The following KDSR variants were observed in gnomAD, a reference collection of about 807,000 sequenced individuals.
KDSR encodes the protein 3-dehydrosphinganine reductase.
A neutral mutation model predicts 41.3 loss-of-function variants in KDSR; 23 were observed. The ratio of observed to expected loss-of-function variants is 0.56; its 90% confidence interval spans 0.40 to 0.79. The LOEUF is 0.79. Among genes scored for constraint, KDSR ranks in the 30% least tolerant of loss-of-function variants. The pLI, the probability that KDSR is intolerant of heterozygous loss-of-function variation, is 0.00. For synonymous variants in KDSR, 138 were observed against 151.7 expected (o/e 0.91, Z 0.66); for missense variants, 351 against 416.8 (o/e 0.84, Z 1.37).
chr18:63,336,681 G>A (rs929874066), intron 8 of KDSR, among the ~76,000 whole-genome samples: 3 of 152,080 alleles, frequency 2.0e-5, no homozygotes, highest in East Asian at 1.9e-4. Flanking sequence ...AGTACAAGAC[G>A]GACCAATGGA....
chr18:63,342,968 G>A (rs1031607875), intron 7 of KDSR, among the ~76,000 whole-genome samples: 1 of 152,122 alleles, frequency 6.6e-6, no homozygotes, highest in African/African-American at 2.4e-5. Flanking sequence ...TTGTTTAAAA[G>A]TGTGTGGCAC....
chr18:63,341,740 G>C (rs1191461467), intron 7 of KDSR, among the ~76,000 whole-genome samples: 2 of 152,108 alleles, frequency 1.3e-5, no homozygotes, highest in Admixed American at 6.5e-5. Flanking sequence ...TGGAAAAACA[G>C]GTTCTATACA....
Position 63,334,806 on chromosome 18 carries a change from C to T in KDSR, c.879+451G>A, listed in dbSNP as rs149617327. On this transcript the variant is annotated intron_variant, in intron 9 of 9. Transcript: ENST00000645214. ...AAAATAATACATTCTATAAGCGAAG[C>T]AACTGTTTAATCCATGATTCGTGTC... Among the ~76,000 whole-genome samples, 24 of 152,320 alleles carry T rather than the reference C, an allele frequency of 1.6e-4. No homozygotes were observed. In the East Asian group the frequency reaches 3.7e-3, roughly 23 times the overall value.
At chr18:63,352,937 T>TA (rs1169250241) in intron 5 of KDSR, among the ~76,000 whole-genome samples, 1 of 149,354 alleles carries the variant, frequency 6.7e-6, no homozygotes, top group Non-Finnish European at 1.5e-5. Flanking sequence ...GAGGCCAAGG[T>TA]AGGTGGATTA....
intron 3 of KDSR, among the ~76,000 whole-genome samples, chr18:63,356,915 G>A (rs1039681466): frequency 6.6e-6 from 1 of 152,142 alleles, no homozygotes; most frequent in African/African-American, 2.4e-5. Flanking sequence ...ATGTGCAGAA[G>A]ATATACACAA....
Position 63,329,433 on chromosome 18 carries a change from A to G in KDSR, c.*2349T>C. 4.8e-6 allele frequency: 1 copy of G among 208,498 alleles called. No individual in the cohort carries two copies. Among genetic ancestry groups the G allele is most frequent in the Non-Finnish European group, 9.8e-6 (1 of 102,320 alleles). The allele number at this position is 208,498 out of a possible 1,614,324, so 12.9% of individuals were successfully genotyped here. ...TCAGTTCAAGTCAGATTTTGCTGCC[A>G]AATGAATTACGGTATCAAATTTAGA... On this transcript the variant is annotated 3_prime_UTR_variant, in exon 10 of 10. Coordinates refer to ENST00000645214, the MANE Select transcript of KDSR (RefSeq NM_002035.4).
chr18:63,361,226 AAAAAAAAAAAAG>A (rs1237435675), intron 2 of KDSR, among the ~76,000 whole-genome samples: 55 of 136,888 alleles, frequency 4.0e-4, no homozygotes, highest in Middle Eastern at 3.6e-3. Context: ...AAAAAAAAAA[AAAAAAAAAAAAG>A]AATGAATTAC....
rs1338215417 is a variant in KDSR at position 63,331,136 on chromosome 18, A to G, written c.*646T>C. The G allele has an allele frequency of 1.3e-5, 3 of 232,834 alleles. No individual in the cohort carries two copies. Among genetic ancestry groups the G allele is most frequent in the Non-Finnish European group, 2.5e-5 (3 of 117,898 alleles). 14.4% of individuals were successfully genotyped at this position (232,834 alleles called of 1,614,324 possible). A position where few individuals can be genotyped will look rare whatever the true frequency, so the allele number is the denominator to read the frequency against. On this transcript the variant is annotated 3_prime_UTR_variant, in exon 10 of 10. Coordinates refer to ENST00000645214, the MANE Select transcript of KDSR (RefSeq NM_002035.4). The stretch of plus-strand genomic sequence containing the variant: ...TCCCCCTCGTAGCTTTATGGGATCA[A>G]AGAGAGAGAGAAGCCATGAGTTTCC...
intron 5 of KDSR, among the ~76,000 whole-genome samples, chr18:63,353,696 T>G (rs1245419347): frequency 6.6e-6 from 1 of 152,136 alleles, no homozygotes; most frequent in East Asian, 1.9e-4. Context: ...TGGATGAGCC[T>G]CAAAAACTGA....
chr18:63,357,571 C>CATACAT (rs1290612849), intron 3 of KDSR, among the ~76,000 whole-genome samples: 31 of 128,596 alleles, frequency 2.4e-4, no homozygotes, highest in African/African-American at 7.5e-4. Flanking sequence ...TACATACATA[C>CATACAT]ATATATATAT....
rs1393492936 is a variant in KDSR, at chr18:63,358,845, A to G, written c.255+891T>C. ...AAAAAAAAAAAAAGAACTAAACAAT[A>G]TATTATTATTTAGAGTTATGTGCAT... is the stretch of plus-strand genomic sequence containing the variant. On this transcript the variant is annotated intron_variant, in intron 3 of 9. Coordinates refer to ENST00000645214, the MANE Select transcript of KDSR (RefSeq NM_002035.4). 4.7e-5 allele frequency among the ~76,000 whole-genome samples: 7 copies of G among 148,086 alleles called. No homozygotes were observed. The East Asian group carries it at 1.2e-3, about 25-fold the overall frequency.
intron 8 of KDSR, among the ~76,000 whole-genome samples, chr18:63,337,122 A>C (rs200112568): frequency 0.46 from 63,127 of 137,034 alleles, 18,046 homozygotes; most frequent in Admixed American, 0.59. Context: ...GAATATATAT[A>C]TATATATATA....
At position 63,367,157 on chromosome 18, in the gene KDSR, G is replaced by T. The variant is rs769313642; in HGVS notation, c.-39C>A. Reference sequence around the variant, plus strand: ...CAGGGGCCCGGAGCGGCCGGGCGGGGGCCGCCGGGCAAGGCGCGCAGGGCT... The same window carrying T: ...CAGGGGCCCGGAGCGGCCGGGCGGGTGCCGCCGGGCAAGGCGCGCAGGGCT... On this transcript the variant is annotated 5_prime_UTR_variant, in exon 1 of 10. Coordinates refer to ENST00000645214, the MANE Select transcript of KDSR (RefSeq NM_002035.4). 2 of 1,131,158 alleles carry T rather than the reference G, an allele frequency of 1.8e-6. No homozygotes were observed. Among genetic ancestry groups the T allele is most frequent in the South Asian group, 8.7e-5 (2 of 23,076 alleles). 70.1% of individuals were successfully genotyped at this position (1,131,158 alleles called of 1,614,324 possible).
At chr18:63,333,567 C>G (rs1568274781) in intron 9 of KDSR, among the ~76,000 whole-genome samples, 1 of 152,168 alleles carries the variant, frequency 6.6e-6, no homozygotes. Context: ...GTGCTCCTCC[C>G]TCAGGAGCAG....
chr18:63,344,424 C>T lies in KDSR; in HGVS notation c.679G>A (p.Glu227Lys). Residue 227 changes from glutamate to lysine, a missense_variant, in exon 7 of 10, where the codon GAA (glutamate) becomes AAA (lysine). By Grantham distance (56) the Glu-to-Lys change is moderately conservative. Transcript: ENST00000645214. ...AGGATACTGACCTTTGTTCTGTTTT[C>T]TTCGGCAAAGCCAGGTGTGTCTGTG... is the stretch of plus-strand genomic sequence containing the variant. ...PDTDTPGFAE[E>K]NRTKPLETRL... 6.2e-7 allele frequency: 1 copy of T among 1,613,446 alleles called. No homozygotes were observed. The highest frequency in any genetic ancestry group is 8.5e-7 in the Non-Finnish European group (1 of 1,179,402).
chr18:63,353,181 C>CA lies in KDSR; in HGVS notation c.417+2022dup, dbSNP rs759128571. On this transcript the variant is annotated intron_variant, in intron 5 of 9. Transcript: ENST00000645214. ...GGGTGACAGAGTAAGACTCCGTCTC[C>CA]AAAAAAAAAAGAAAGTTCTAAAAGA... Among the ~76,000 whole-genome samples the CA allele has an allele frequency of 1.8e-4, 26 of 140,624 alleles. No homozygotes were observed. The South Asian group carries it at 2.5e-3, about 14-fold the overall frequency. 92.3% of individuals were successfully genotyped at this position (140,624 alleles called of 152,430 possible). A position where few individuals can be genotyped will look rare whatever the true frequency, so the allele number is the denominator to read the frequency against.
At chr18:63,350,604 A>G (rs181729085) in intron 6 of KDSR, among the ~76,000 whole-genome samples, 1 of 152,260 alleles carries the variant, frequency 6.6e-6, no homozygotes, top group Non-Finnish European at 1.5e-5. Flanking sequence ...ACATTCACAC[A>G]GTATTAGACT....
In KDSR at chr18:63,367,058, G is replaced by C. The variant is rs751334424; in HGVS notation, c.61C>G (p.Pro21Ala). 10 of 1,330,974 alleles carry C rather than the reference G, an allele frequency of 7.5e-6. No homozygotes were observed. Among genetic ancestry groups the C allele is most frequent in the Non-Finnish European group, 9.7e-6 (10 of 1,033,828 alleles). 82.4% of individuals were successfully genotyped at this position (1,330,974 alleles called of 1,614,324 possible). Residue 21 changes from proline (P) to alanine (A), a missense_variant, in exon 1 of 10, where the codon CCG (proline) becomes GCG (alanine). Pro to Ala is a conservative substitution (Grantham distance 27). Coordinates refer to ENST00000645214, the MANE Select transcript of KDSR (RefSeq NM_002035.4). ...AFVLLLYMVS[P>A]LISPKPLALP... ...GCGAGGGGCTTGGGGCTGATGAGCG[G>C]AGACACCATGTACAGCAGCAGCACG...
rs1915159401 is a variant in KDSR at position 63,367,020 on chromosome 18, C to A, written c.99G>T (p.Ala33=). The A allele has an allele frequency of 1.5e-6, 2 of 1,312,236 alleles. No homozygotes were observed. The highest frequency in any genetic ancestry group is 5.6e-5 in the East Asian group (2 of 35,706). 81.3% of individuals were successfully genotyped at this position (1,312,236 alleles called of 1,614,324 possible). ...ISPKPLALPG[A]HVVVTGGSSG... is the part of the protein sequence containing the mutation. ...ACAGGAGGCCACTCACCACCACATGCGCCCCGGGCAGGGCGAGGGGCTTGG... is the reference window on the plus strand; with the variant it reads ...ACAGGAGGCCACTCACCACCACATGAGCCCCGGGCAGGGCGAGGGGCTTGG... Residue 33 remains alanine, a synonymous_variant, in exon 1 of 10, where the codon GCG becomes GCT. Transcript: ENST00000645214.
Sources: gnomAD v4.1 joint callset for allele counts (sites outside exome capture counted in the v4.1 genomes callset) on GRCh38, gnomAD v4.1.1 for gene constraint, MANE v1.5 for transcripts, NCBI Gene and HGNC (gene_info 2026-07-23, HGNC 2026-07-21) for gene names.